Variants in HAPLN1 observed in about 807,000 individuals in gnomAD.
HAPLN1 encodes hyaluronan and proteoglycan link protein 1.
In HAPLN1, 13 loss-of-function variants were observed where a neutral mutation model predicts 36.5. The ratio of observed to expected loss-of-function variants is 0.36; its 90% CI spans 0.23 to 0.57. The LOEUF is 0.57. Ranked by LOEUF, HAPLN1 falls within the 20% of genes least tolerant of loss-of-function variation. The pLI is 0.83. For missense variants in HAPLN1, 407 were observed against 439.7 expected (o/e 0.93, Z 0.66); for synonymous variants, 202 against 169.8 (o/e 1.19, Z -1.48).
rs151268929 is a variant in HAPLN1, at chr5:83,698,912, G to A, written c.-27+21877C>T. Reference sequence around the variant, plus strand: ...TCCAAAATTTTTCGAATACGGTATCGTATACATGATACTCAATTCTATTTA... The same window carrying A: ...TCCAAAATTTTTCGAATACGGTATCATATACATGATACTCAATTCTATTTA... On this transcript the variant is annotated intron_variant, in intron 1 of 4. Transcript: ENST00000274341. Among the ~76,000 whole-genome samples, 26 of 152,258 alleles carry A rather than the reference G, an allele frequency of 1.7e-4. 1 individual carries two copies. The East Asian group carries it at 4.4e-3, about 26-fold the overall frequency.
chr5:83,656,483 T>C (rs1750220631), intron 2 of HAPLN1, among the ~76,000 whole-genome samples: 1 of 151,430 alleles, frequency 6.6e-6, no homozygotes, highest in Non-Finnish European at 1.5e-5. Context: ...CTATGTAGCA[T>C]ACAAGTGTCC....
chr5:83,688,225 G>T (rs967300919), intron 1 of HAPLN1, among the ~76,000 whole-genome samples: 1 of 152,042 alleles, frequency 6.6e-6, no homozygotes, highest in African/African-American at 2.4e-5. Flanking sequence ...TGACTTAAAG[G>T]TTTATTTTCT....
chr5:83,716,533 A>G (rs1751914930), intron 1 of HAPLN1, among the ~76,000 whole-genome samples: 1 of 152,218 alleles, frequency 6.6e-6, no homozygotes, highest in African/African-American at 2.4e-5. Context: ...TATCTCTGAG[A>G]CACATAGCTA....
intron 2 of HAPLN1, among the ~76,000 whole-genome samples, chr5:83,667,464 A>G (rs1032384125): frequency 1.3e-5 from 2 of 151,958 alleles, no homozygotes; most frequent in Non-Finnish European, 2.9e-5. Context: ...ATTATTAACT[A>G]TATATATATA....
intron 2 of HAPLN1, among the ~76,000 whole-genome samples, chr5:83,664,311 C>T (rs1368102007): frequency 6.6e-6 from 1 of 151,924 alleles, no homozygotes; most frequent in African/African-American, 2.4e-5. Context: ...CCAAACTCGT[C>T]CTCAATGGCA....
intron 1 of HAPLN1, among the ~76,000 whole-genome samples, chr5:83,716,891 G>A (rs1347067130): frequency 6.6e-6 from 1 of 152,080 alleles, no homozygotes; most frequent in African/African-American, 2.4e-5. Flanking sequence ...AATTAGCCGG[G>A]CATGGTGACA....
chr5:83,672,468 A>G (rs1750756016), intron 2 of HAPLN1, among the ~76,000 whole-genome samples: 1 of 152,266 alleles, frequency 6.6e-6, no homozygotes, highest in Admixed American at 6.5e-5. Flanking sequence ...TGTGTCTAAA[A>G]TAGCTAGACA....
At position 83,700,770 on chromosome 5, in the gene HAPLN1, G is replaced by C. The variant is rs999598336; in HGVS notation, c.-27+20019C>G. On this transcript the variant is annotated intron_variant, in intron 1 of 4. Transcript: ENST00000274341. ...TTAAGGGTGCAGATAGTCAACGATG[G>C]CACAAGGCTCCTCTCATTCTGCTCT... 8.6e-5 allele frequency among the ~76,000 whole-genome samples: 13 copies of C among 151,846 alleles called. No individual in the cohort carries two copies. The East Asian group carries it at 2.5e-3, about 29-fold the overall frequency.
At chr5:83,668,087 T>G (rs1368939533) in intron 2 of HAPLN1, among the ~76,000 whole-genome samples, 6 of 152,350 alleles carry the variant, frequency 3.9e-5, no homozygotes, top group South Asian at 4.1e-4. Flanking sequence ...TGGATTTATT[T>G]AGCAAACATG....
At chr5:83,718,608 A>G (rs971090845) in intron 1 of HAPLN1, among the ~76,000 whole-genome samples, 4 of 152,170 alleles carry the variant, frequency 2.6e-5, no homozygotes, top group African/African-American at 9.7e-5. Flanking sequence ...TTCCAACAGC[A>G]TTTTGCTACC....
intron 2 of HAPLN1, among the ~76,000 whole-genome samples, chr5:83,665,179 G>GA (rs1007494593): frequency 2.1e-4 from 32 of 149,160 alleles, no homozygotes; most frequent in East Asian, 7.9e-4. Flanking sequence ...AAACCAAAAA[G>GA]AAAAAAAAAG....
At position 83,678,708 on chromosome 5, in the gene HAPLN1, G is replaced by A. The variant is rs13357548; in HGVS notation, c.-26-5159C>T. Among the ~76,000 whole-genome samples, 3 of 151,736 alleles carry A rather than the reference G, an allele frequency of 2.0e-5. No individual in the cohort carries two copies. In the East Asian group the frequency reaches 5.8e-4, roughly 29 times the overall value. On this transcript the variant is annotated intron_variant, in intron 1 of 4. Transcript: ENST00000274341. ...GAAATGCATTAGAAAACAGGAAGAAGATATGAGGGGATTGTAAGAGAGGTG... is the reference window on the plus strand; with the variant it reads ...GAAATGCATTAGAAAACAGGAAGAAAATATGAGGGGATTGTAAGAGAGGTG...
chr5:83,679,471 TTC>T (rs1375034157), intron 1 of HAPLN1, among the ~76,000 whole-genome samples: 3 of 152,318 alleles, frequency 2.0e-5, no homozygotes, highest in Non-Finnish European at 2.9e-5. Flanking sequence ...TTTCTAACCT[TTC>T]TCTGTTTTAC....
chr5:83,693,429 T>C (rs944143118), intron 1 of HAPLN1, among the ~76,000 whole-genome samples: 3 of 151,724 alleles, frequency 2.0e-5, no homozygotes, highest in Non-Finnish European at 3.0e-5. Context: ...GGGAAGAGAA[T>C]GAAGAACAGA....
intron 1 of HAPLN1, among the ~76,000 whole-genome samples, chr5:83,700,900 CT>C (rs1472399074): frequency 2.0e-5 from 3 of 152,170 alleles, no homozygotes; most frequent in African/African-American, 7.2e-5. Flanking sequence ...TTTTTCAACT[CT>C]GCATTAACAT....
intron 3 of HAPLN1, among the ~76,000 whole-genome samples, chr5:83,651,584 T>C (rs933283275): frequency 9.2e-5 from 2 of 21,784 alleles, no homozygotes; most frequent in Non-Finnish European, 1.7e-4. Context: ...AAAGGTCAAA[T>C]AGTGACACAA....
intron 2 of HAPLN1, among the ~76,000 whole-genome samples, chr5:83,657,485 T>C (rs1458174391): frequency 2.0e-5 from 3 of 152,156 alleles, no homozygotes; most frequent in Non-Finnish European, 4.4e-5. Flanking sequence ...TGACATTACA[T>C]GAAATTGGGA....
chr5:83,676,098 T>A (rs539951815), intron 1 of HAPLN1, among the ~76,000 whole-genome samples: 4 of 152,276 alleles, frequency 2.6e-5, no homozygotes, highest in South Asian at 2.1e-4. Context: ...GCCTCATTAA[T>A]TATATCACTC....
chr5:83,651,333 T>A (rs1240925753), intron 3 of HAPLN1, among the ~76,000 whole-genome samples: 1 of 152,188 alleles, frequency 6.6e-6, no homozygotes, highest in Non-Finnish European at 1.5e-5. Flanking sequence ...TTTCAATTAA[T>A]ATTTGATGAC....
Sources: gnomAD v4.1 joint callset for allele counts (sites outside exome capture counted in the v4.1 genomes callset) on GRCh38, gnomAD v4.1.1 for gene constraint, MANE v1.5 for transcripts, NCBI Gene and HGNC (gene_info 2026-07-23, HGNC 2026-07-21) for gene names.